The following PPIL2 variants were observed in gnomAD, a reference collection of about 807,000 sequenced individuals.
PPIL2 encodes RING-type E3 ubiquitin-protein ligase PPIL2.
A neutral mutation model predicts 75.2 loss-of-function variants in PPIL2; 50 were observed. That is an observed-to-expected ratio of 0.66 (90% CI 0.53 to 0.84). PPIL2 has a LOEUF of 0.84. Ranked by LOEUF, PPIL2 falls within the 40% of genes least tolerant of loss-of-function variation. The pLI is 0.00. For missense variants in PPIL2, 590 were observed against 685.0 expected, an observed-to-expected ratio of 0.86 and a Z score of 1.55; for synonymous variants, 245 against 258.8, an observed-to-expected ratio of 0.95 and a Z score of 0.51.
At position 21,694,761 on chromosome 22, in the gene PPIL2, A is replaced by G; in HGVS notation, c.1276A>G (p.Ile426Val). 6.2e-7 allele frequency: 1 copy of G among 1,609,852 alleles called. No individual in the cohort carries two copies. Among genetic ancestry groups the G allele is most frequent in the Non-Finnish European group, 8.5e-7 (1 of 1,177,400 alleles). The change falls in exon 18 of 20, where the codon ATC becomes GTC. Residue 426 changes from isoleucine to valine, a missense_variant. Ile to Val is a conservative substitution (Grantham distance 29). Transcript: ENST00000398831. ...GAGCCCCCTTTGCTGCTAGGAGGAG[A>G]TCCGCATTGATGCCACTACAGTGTT... ...DPKTDRPKEE[I>V]RIDATTVFVD...
intron 9 of PPIL2, among the ~76,000 whole-genome samples, chr22:21,684,320 C>T (rs2067252680): frequency 5.9e-5 from 2 of 33,826 alleles, no homozygotes; most frequent in African/African-American, 3.5e-4. Context: ...GGCGTGGTGG[C>T]GGGCGCCTGT....
intron 10 of PPIL2, among the ~76,000 whole-genome samples, chr22:21,685,469 A>G (rs975832863): frequency 2.0e-5 from 3 of 152,126 alleles, no homozygotes; most frequent in Non-Finnish European, 4.4e-5. Flanking sequence ...ATCTGGAGCT[A>G]GGGGGAGGGC....
At chr22:21,669,789 C>T (rs2066557380) in intron 1 of PPIL2, 124 bp from the exon 2 acceptor site, 8 of 1,017,794 alleles carry the variant, frequency 7.9e-6, no homozygotes, top group African/African-American at 6.3e-5. Context: ...CGTTAGCCAC[C>T]GTGCCCGCCC....
downstream of PPIL2, chr22:21,698,355 A>AAAT (rs1002339107): frequency 5.1e-4 from 77 of 152,444 alleles, no homozygotes; most frequent in African/African-American, 1.8e-3. Context: ...CAAAGTGCCC[A>AAAT]AATAGAAGGA....
chr22:21,666,041 T>G lies in PPIL2; in HGVS notation c.-59T>G, dbSNP rs2066359426. On this transcript the variant is annotated 5_prime_UTR_variant, in exon 1 of 20. It removes an upstream start codon present in the reference 5' UTR. Coordinates refer to ENST00000398831, the MANE Select transcript of PPIL2 (RefSeq NM_014337.4). ...GTCACGGAACTCGGCTGCGGCTCCA[T>G]GGTCTGAGTTGTCAGCCGTTGTTTT... 1 of 1,588,974 alleles carries G rather than the reference T, an allele frequency of 6.3e-7. No individual in the cohort carries two copies. Among genetic ancestry groups the G allele is most frequent in the East Asian group, 2.3e-5 (1 of 44,186 alleles).
chr22:21,697,236 C>CT lies in PPIL2; in HGVS notation c.*1747dup. On this transcript the variant is annotated 3_prime_UTR_variant, in exon 20 of 20. Transcript: ENST00000398831. ...CAGGTGTCCACACACCTGTAGGCCT[C>CT]TGAGCCAGCGTCCAGGGTACAGGTG... 1.9e-6 allele frequency: 1 copy of CT among 524,780 alleles called. No individual in the cohort carries two copies. Among genetic ancestry groups the CT allele is most frequent in the South Asian group, 2.1e-5 (1 of 46,870 alleles). 32.5% of individuals were successfully genotyped at this position (524,780 alleles called of 1,614,324 possible). A position where few individuals can be genotyped will look rare whatever the true frequency, so the allele number is the denominator to read the frequency against.
intron 15 of PPIL2, among the ~76,000 whole-genome samples, chr22:21,689,313 G>A (rs183051932): frequency 6.6e-6 from 1 of 152,356 alleles, no homozygotes; most frequent in Admixed American, 6.5e-5. Flanking sequence ...ATGCACACAG[G>A]GGCCGGATGC....
chr22:21,697,192 G>T lies in PPIL2; in HGVS notation c.*1702G>T. 3 of 598,126 alleles carry T rather than the reference G, an allele frequency of 5.0e-6. No homozygotes were observed. Among genetic ancestry groups the T allele is most frequent in the Non-Finnish European group, 8.8e-6 (3 of 339,790 alleles). The allele number at this position is 598,126 out of a possible 1,614,324, so 37.1% of individuals were successfully genotyped here. Reference sequence around the variant, plus strand: ...GCTGGGCCTGCAGAGGAGGGGCACAGTAGGACACAGTGACTGCCCAGGTGT... The same window carrying T: ...GCTGGGCCTGCAGAGGAGGGGCACATTAGGACACAGTGACTGCCCAGGTGT... On this transcript the variant is annotated 3_prime_UTR_variant, in exon 20 of 20. Transcript: ENST00000398831.
rs772556815 is a variant in PPIL2, at chr22:21,688,809, A to C, written c.1099A>C (p.Ser367Arg). The change falls in exon 15 of 20, where the codon AGC becomes CGC. Residue 367 changes from serine (S) to arginine (R), a missense_variant. Ser to Arg is a moderately radical substitution (Grantham distance 110). Coordinates refer to ENST00000398831, the MANE Select transcript of PPIL2 (RefSeq NM_014337.4). ...NLSHTGRGIL[S>R]MANSGPNSNR... is the part of the protein sequence containing the mutation. ...CTCGCACACGGGCCGCGGCATCCTCAGCATGGCCAACTCCGGGCCCAACAG... is the reference window on the plus strand; with the variant it reads ...CTCGCACACGGGCCGCGGCATCCTCCGCATGGCCAACTCCGGGCCCAACAG... The C allele has an allele frequency of 1.2e-6, 2 of 1,614,086 alleles. No homozygotes were observed. The highest frequency in any genetic ancestry group is 2.7e-5 in the African/African-American group (2 of 74,938).
chr22:21,695,230 G>T, intron 19 of PPIL2, 160 bp downstream of exon 19: 1 of 1,330,240 alleles, frequency 7.5e-7, no homozygotes, highest in Non-Finnish European at 1.0e-6. Flanking sequence ...GCCTCTGAAG[G>T]CCTGGCCGGG....
chr22:21,692,441 A>T (rs369705137), intron 15 of PPIL2, among the ~76,000 whole-genome samples: 16 of 151,674 alleles, frequency 1.1e-4, no homozygotes, highest in Non-Finnish European at 1.9e-4. Flanking sequence ...GGCGTGAGCC[A>T]CTGTGCCTGG....
At position 21,686,451 on chromosome 22, in the gene PPIL2, C is replaced by T. The variant is rs775672256; in HGVS notation, c.715-32C>T. On this transcript the variant is annotated intron_variant, in intron 10 of 19. Coordinates refer to ENST00000398831, the MANE Select transcript of PPIL2 (RefSeq NM_014337.4). ...CCCCACCCAACTGCCTCCCATGGCA[C>T]TGCTGAGGTGCCACCCTGGTTTCCT... 5.6e-6 allele frequency: 9 copies of T among 1,606,182 alleles called. No homozygotes were observed. In the South Asian group the frequency reaches 9.9e-5, roughly 18 times the overall value.
At chr22:21,680,005 G>A (rs905929702) in intron 6 of PPIL2, among the ~76,000 whole-genome samples, 4 of 151,702 alleles carry the variant, frequency 2.6e-5, no homozygotes, top group African/African-American at 9.7e-5. Context: ...CAGGAGAATG[G>A]CGTGAACCCG....
At chr22:21,690,539 T>C (rs1051442291) in intron 15 of PPIL2, among the ~76,000 whole-genome samples, 1 of 152,204 alleles carries the variant, frequency 6.6e-6, no homozygotes, top group Non-Finnish European at 1.5e-5. Flanking sequence ...TGTGCTGACC[T>C]TTTTTTCTCA....
chr22:21,682,593 G>GACT, intron 8 of PPIL2, 67 bp downstream of exon 8: 1 of 1,191,816 alleles, frequency 8.4e-7, no homozygotes, highest in Non-Finnish European at 1.2e-6. Flanking sequence ...GCCTCTACAG[G>GACT]GCCCTACCCC....
chr22:21,684,450 T>C (rs1245672661), intron 9 of PPIL2, among the ~76,000 whole-genome samples: 1 of 66,770 alleles, frequency 1.5e-5, no homozygotes, highest in Non-Finnish European at 2.5e-5. Flanking sequence ...AGACTCCATC[T>C]CCACAAAAAA....
At position 21,688,800 on chromosome 22, in the gene PPIL2, G is replaced by A. The variant is rs1158441213; in HGVS notation, c.1090G>A (p.Gly364Ser). 16 of 1,614,070 alleles carry A rather than the reference G, an allele frequency of 9.9e-6. No homozygotes were observed. The highest frequency in any genetic ancestry group is 1.3e-5 in the Non-Finnish European group (15 of 1,180,024). Residue 364 changes from glycine to serine, a missense_variant, in exon 15 of 20, where the codon GGC becomes AGC. By Grantham distance (56) the Gly-to-Ser change is moderately conservative. Coordinates refer to ENST00000398831, the MANE Select transcript of PPIL2 (RefSeq NM_014337.4). ...GCCCAACCTCTCGCACACGGGCCGC[G>A]GCATCCTCAGCATGGCCAACTCCGG... ...FRPNLSHTGR[G>S]ILSMANSGPN...
chr22:21,686,966 G>A lies in PPIL2; in HGVS notation c.865G>A (p.Gly289Ser). The change falls in exon 12 of 20, where the codon GGC becomes AGC. Residue 289 changes from glycine to serine, a missense_variant. Physicochemically the swap from Gly to Ser is moderately conservative, Grantham distance 56 (BLOSUM62 0). Transcript: ENST00000398831. The part of the protein sequence containing the change: ...KGYVRLHTNK[G>S]DLNLELHCDL... ...CTACGTGCGGCTGCACACCAACAAG[G>A]GCGACCTCAACCTGGAGCTGCACTG... 1.2e-6 allele frequency: 2 copies of A among 1,612,834 alleles called. No individual in the cohort carries two copies. Among genetic ancestry groups the A allele is most frequent in the Non-Finnish European group, 1.7e-6 (2 of 1,179,668 alleles).
At chr22:21,688,954 C>A in intron 15 of PPIL2, 105 bp downstream of exon 15, 2 of 1,111,972 alleles carry the variant, frequency 1.8e-6, no homozygotes, top group Non-Finnish European at 2.7e-6. Flanking sequence ...CTGAATCATA[C>A]CCAGACGGTG....
Sources: gnomAD v4.1 joint callset for allele counts (sites outside exome capture counted in the v4.1 genomes callset) on GRCh38, gnomAD v4.1.1 for gene constraint, MANE v1.5 for transcripts, NCBI Gene and HGNC (gene_info 2026-07-23, HGNC 2026-07-21) for gene names.